Variants in ECT2L observed in about 807,000 individuals in gnomAD.
ECT2L encodes epithelial cell-transforming sequence 2 oncogene-like.
ECT2L carries 126 observed loss-of-function variants against 122.8 expected under a neutral mutation model. That is an observed-to-expected ratio of 1.03 (90% confidence interval 0.89 to 1.19). The LOEUF is 1.19. Among genes scored for constraint, ECT2L ranks in the 50% most tolerant of loss-of-function variants. The pLI, the probability that ECT2L is intolerant of heterozygous loss-of-function variation, is 0.00. For synonymous variants in ECT2L, 385 were observed against 381.8 expected, an observed-to-expected ratio of 1.01 and a Z score of -0.10; for missense variants, 1,012 against 1,064.1, an observed-to-expected ratio of 0.95 and a Z score of 0.68.
chr6:138,862,281 T>C (rs994960421), intron 10 of ECT2L, among the ~76,000 whole-genome samples: 3 of 152,202 alleles, frequency 2.0e-5, no homozygotes, highest in Non-Finnish European at 2.9e-5. Context: ...GGCATCTGCT[T>C]GGCATCTGGT....
In ECT2L at chr6:138,885,800, A is replaced by T. The variant is rs17067993; in HGVS notation, c.2229A>T (p.Gln743His). 1 of 1,613,928 alleles carries T rather than the reference A, an allele frequency of 6.2e-7. No individual in the cohort carries two copies. The highest frequency in any genetic ancestry group is 8.5e-7 in the Non-Finnish European group (1 of 1,180,000). Residue 743 changes from glutamine (Q) to histidine (H), a missense_variant, in exon 18 of 22, where the codon CAA (glutamine) becomes CAT (histidine). Coordinates refer to ENST00000541398, the MANE Select transcript of ECT2L (RefSeq NM_001077706.3). The stretch of plus-strand genomic sequence containing the variant: ...GGGACTTGACCACTGCAATTGACCA[A>T]ATCAAAAAATATAAAGGTTATATAG... ...DRGDLTTAID[Q>H]IKKYKGYIDQ...
chr6:138,832,109 G>A (rs888843908), intron 4 of ECT2L, among the ~76,000 whole-genome samples: 2 of 150,396 alleles, frequency 1.3e-5, no homozygotes, highest in Admixed American at 6.6e-5. Context: ...CCCTCCTTTG[G>A]TTTCAAGTTT....
At chr6:138,900,860 T>C in intron 20 of ECT2L, 88 bp from the exon 21 acceptor site, 3 of 1,388,176 alleles carry the variant, frequency 2.2e-6, no homozygotes, top group Non-Finnish European at 9.8e-7. Flanking sequence ...AAGCCTTGAC[T>C]AGTGACTTAT....
At chr6:138,873,872 CTGTGTG>C (rs57839466) in intron 13 of ECT2L, among the ~76,000 whole-genome samples, 120 of 71,374 alleles carry the variant, frequency 1.7e-3, no homozygotes, top group Admixed American at 4.1e-3. Context: ...AAATCCAGGA[CTGTGTG>C]TGTGTGTGTG....
At chr6:138,896,640 C>T (rs1173390624) in intron 20 of ECT2L, among the ~76,000 whole-genome samples, 1 of 152,142 alleles carries the variant, frequency 6.6e-6, no homozygotes, top group African/African-American at 2.4e-5. Flanking sequence ...TGTACTGAAA[C>T]TCTCCATGTA....
chr6:138,867,453 T>C (rs997333429), intron 12 of ECT2L, among the ~76,000 whole-genome samples: 2 of 151,970 alleles, frequency 1.3e-5, no homozygotes, highest in South Asian at 2.1e-4. Flanking sequence ...GGTGGGCAGA[T>C]TGCTTGAGGC....
chr6:138,901,095 C>G lies in ECT2L; in HGVS notation c.2562C>G (p.Leu854=). 1 of 1,614,048 alleles carries G rather than the reference C, an allele frequency of 6.2e-7. No individual in the cohort carries two copies. Among genetic ancestry groups the G allele is most frequent in the Admixed American group, 1.7e-5 (1 of 60,002 alleles). Residue 854 remains leucine (L), a synonymous_variant, in exon 21 of 22, where the codon CTC becomes CTG. Transcript: ENST00000541398. The stretch of plus-strand genomic sequence containing the variant: ...CATCAGTGGCCCTTCATCGGTTACT[C>G]ATAGAAAATATTCCAGATTCCAAGT... ...FIASVALHRL[L]IENIPDSKYV...
intron 20 of ECT2L, among the ~76,000 whole-genome samples, chr6:138,896,814 A>G (rs1049192990): frequency 4.6e-5 from 7 of 151,914 alleles, no homozygotes; most frequent in Admixed American, 4.6e-4. Context: ...CACCTGGCTC[A>G]TTTTTGTATT....
In ECT2L at chr6:138,904,020, ATAT is replaced by A. The variant is rs1779495863; in HGVS notation, c.*1397_*1399del. The A allele has an allele frequency of 6.6e-6, 1 of 152,216 alleles. No homozygotes were observed. Among genetic ancestry groups the A allele is most frequent in the Non-Finnish European group, 1.5e-5 (1 of 68,020 alleles). 9.4% of individuals were successfully genotyped at this position (152,216 alleles called of 1,614,324 possible). The stretch of plus-strand genomic sequence containing the variant: ...GTTAAAAAGATGAACAAAAGTTAAA[ATAT>A]TATGCTGTTTTATTGGTGTAAAACC... On this transcript the variant is annotated 3_prime_UTR_variant, in exon 22 of 22. Transcript: ENST00000541398.
intron 20 of ECT2L, among the ~76,000 whole-genome samples, chr6:138,894,911 T>G (rs1260660838): frequency 2.0e-5 from 3 of 152,170 alleles, no homozygotes; most frequent in African/African-American, 7.2e-5. Context: ...CGACACTGTC[T>G]CAGTGATTAC....
At chr6:138,895,465 C>A (rs887170819) in intron 20 of ECT2L, among the ~76,000 whole-genome samples, 3 of 152,144 alleles carry the variant, frequency 2.0e-5, no homozygotes, top group African/African-American at 7.2e-5. Flanking sequence ...TCTCCCAGTG[C>A]ACAGGCAGTG....
chr6:138,845,688 A>T (rs1340609023), intron 7 of ECT2L, among the ~76,000 whole-genome samples: 1 of 152,180 alleles, frequency 6.6e-6, no homozygotes, highest in South Asian at 2.1e-4. Context: ...CACTCTTTCA[A>T]CTTCACCCAC....
chr6:138,898,883 C>T (rs1232357078), intron 20 of ECT2L, among the ~76,000 whole-genome samples: 1 of 151,990 alleles, frequency 6.6e-6, no homozygotes, highest in African/African-American at 2.4e-5. Flanking sequence ...GATATACATA[C>T]ATACTTATGA....
chr6:138,847,379 T>TC, intron 8 of ECT2L, among the ~76,000 whole-genome samples: 1 of 99,798 alleles, frequency 1.0e-5, no homozygotes, highest in South Asian at 4.2e-4. Context: ...TTTTTTTTTT[T>TC]TTTTTTTTTG....
intron 10 of ECT2L, among the ~76,000 whole-genome samples, chr6:138,858,185 C>A (rs1242270659): frequency 1.3e-5 from 2 of 152,064 alleles, no homozygotes; most frequent in Non-Finnish European, 2.9e-5. Flanking sequence ...TGCTGAGGAC[C>A]CCAAATTTAT....
chr6:138,809,981 G>C (rs9376370), intron 1 of ECT2L, among the ~76,000 whole-genome samples: 2 of 151,952 alleles, frequency 1.3e-5, no homozygotes, highest in African/African-American at 4.8e-5. Context: ...CAGTGGGAAA[G>C]GTTGTAAAAC....
At chr6:138,899,975 G>A (rs1308022698) in intron 20 of ECT2L, among the ~76,000 whole-genome samples, 1 of 152,178 alleles carries the variant, frequency 6.6e-6, no homozygotes, top group African/African-American at 2.4e-5. Context: ...TGACAGAAAA[G>A]CAAAGAGGAT....
intron 1 of ECT2L, among the ~76,000 whole-genome samples, chr6:138,809,479 G>A (rs62440908): frequency 0.25 from 38,678 of 152,040 alleles, 5,068 homozygotes; most frequent in East Asian, 0.41. Flanking sequence ...AAACAAAAAG[G>A]AAACTTTTTG....
intron 13 of ECT2L, among the ~76,000 whole-genome samples, chr6:138,869,125 C>A (rs1159841126): frequency 3.3e-5 from 5 of 152,136 alleles, no homozygotes; most frequent in African/African-American, 1.2e-4. Flanking sequence ...TGGGATCGTG[C>A]CATTGCACTC....
Sources: allele counts gnomAD v4.1 joint callset (sites outside exome capture counted in the v4.1 genomes callset), GRCh38; gene constraint gnomAD v4.1.1; transcripts MANE v1.5; gene names NCBI Gene and HGNC (gene_info 2026-07-23, HGNC 2026-07-21).